The following ODAD4 variants were observed in gnomAD, a reference collection of about 807,000 sequenced individuals.
ODAD4 encodes outer dynein arm-docking complex subunit 4.
In ODAD4, 49 loss-of-function variants were observed where a neutral mutation model predicts 51.8. The observed-to-expected ratio is 0.95, with a 90% confidence interval of 0.75 to 1.20. ODAD4 has a LOEUF of 1.20. ODAD4 is among the 50% of genes most tolerant of loss of function. ODAD4 has a pLI of 0.00. For synonymous variants in ODAD4, 235 were observed against 221.3 expected, an observed-to-expected ratio of 1.06 and a Z score of -0.55; for missense variants, 590 against 586.5, an observed-to-expected ratio of 1.01 and a Z score of -0.06.
In ODAD4 at chr17:41,935,677, A is replaced by G. The variant is rs543820259; in HGVS notation, c.325A>G (p.Lys109Glu). The G allele has an allele frequency of 1.9e-6, 3 of 1,613,868 alleles. No individual in the cohort carries two copies. The highest frequency in any genetic ancestry group is 2.7e-5 in the African/African-American group (2 of 75,066). The change falls in exon 3 of 12, where the codon AAG (lysine) becomes GAG (glutamate). Residue 109 changes from lysine to glutamate, a missense_variant. Lys to Glu is a moderately conservative substitution (Grantham distance 56, BLOSUM62 1). Around this residue, in one of 3 missense-constraint regions of ODAD4, gnomAD observed 360 missense variants for 407.5 expected, o/e 0.88. Coordinates refer to ENST00000377540, the MANE Select transcript of ODAD4 (RefSeq NM_031421.5). The part of the protein sequence containing the change: ...FALVFYHRGY[K>E]LRPDREFRVG... ...CTTGGTATTCTATCATCGAGGCTAC[A>G]AGCTGAGGCCTGATCGGGAATTCAG...
chr17:41,940,360 T>C (rs782252400), intron 7 of ODAD4, among the ~76,000 whole-genome samples: 6 of 152,196 alleles, frequency 3.9e-5, no homozygotes, highest in South Asian at 2.1e-4. Flanking sequence ...GCCCCTTTGC[T>C]TGGCCCTCAG....
At chr17:41,944,447 C>G (rs111648524) in intron 7 of ODAD4, among the ~76,000 whole-genome samples, 1 of 7,770 alleles carries the variant, frequency 1.3e-4, no homozygotes, top group Non-Finnish European at 4.1e-4. Flanking sequence ...CACACACACC[C>G]CCCCGCATAC....
intron 1 of ODAD4, among the ~76,000 whole-genome samples, chr17:41,931,710 T>A (rs2050342089): frequency 1.3e-5 from 2 of 151,718 alleles, no homozygotes; most frequent in South Asian, 4.2e-4. Context: ...CCTGGCTAAT[T>A]TTTGTATTCT....
chr17:41,960,922 C>G (rs782609419), intron 10 of ODAD4, among the ~76,000 whole-genome samples: 2 of 152,186 alleles, frequency 1.3e-5, no homozygotes, highest in African/African-American at 4.8e-5. Context: ...ATCATGCACT[C>G]GAGTTGGGGA....
At chr17:41,962,238 C>T (rs976128330) in intron 11 of ODAD4, among the ~76,000 whole-genome samples, 4 of 152,082 alleles carry the variant, frequency 2.6e-5, no homozygotes, top group African/African-American at 9.7e-5. Flanking sequence ...AGGGGTGACT[C>T]GGGGCCCCAC....
chr17:41,949,992 C>A (rs1282501635), intron 9 of ODAD4, among the ~76,000 whole-genome samples: 2 of 151,174 alleles, frequency 1.3e-5, no homozygotes, highest in South Asian at 4.2e-4. Context: ...TTTTTTGAGA[C>A]GAAGTCTCAC....
intron 7 of ODAD4, among the ~76,000 whole-genome samples, chr17:41,940,595 T>C (rs1243659949): frequency 5.9e-5 from 9 of 152,168 alleles, no homozygotes; most frequent in Non-Finnish European, 1.2e-4. Flanking sequence ...CTGTCTTCGA[T>C]CCCTGTCTTC....
chr17:41,932,718 CTT>C (rs2050366303), intron 1 of ODAD4, among the ~76,000 whole-genome samples: 1 of 121,968 alleles, frequency 8.2e-6, no homozygotes, highest in Non-Finnish European at 1.7e-5. Context: ...CTAATTTTTT[CTT>C]TTCTTCTTTT....
At chr17:41,955,716 G>A (rs990503016) in intron 10 of ODAD4, among the ~76,000 whole-genome samples, 10 of 152,086 alleles carry the variant, frequency 6.6e-5, no homozygotes, top group African/African-American at 2.2e-4. Context: ...GAGCCACTGT[G>A]CCCAGCCAGA....
chr17:41,965,868 C>CG lies in ODAD4; in HGVS notation c.*389dup, dbSNP rs1555642658. On this transcript the variant is annotated 3_prime_UTR_variant, in exon 12 of 12. Transcript: ENST00000377540. ...TGAGTCCCTCCAGTGCGCAGGACAG[C>CG]GGGGAGGCTTTATGGATGGAACAGT... Among the ~76,000 whole-genome samples, 4 of 152,218 alleles carry CG rather than the reference C, an allele frequency of 2.6e-5. No homozygotes were observed. The East Asian group carries it at 7.7e-4, about 29-fold the overall frequency.
intron 5 of ODAD4, 128 bp from the exon 6 acceptor site, chr17:41,938,429 C>T: frequency 5.4e-6 from 4 of 742,060 alleles, no homozygotes; most frequent in Non-Finnish European, 8.9e-6. Flanking sequence ...TCACACTCCT[C>T]TCTGTTTCAA....
intron 8 of ODAD4, 121 bp downstream of exon 8, chr17:41,945,343 C>CAAAAA: frequency 1.6e-5 from 7 of 438,964 alleles, no homozygotes; most frequent in Admixed American, 4.6e-5. Flanking sequence ...TCCCTCTCTA[C>CAAAAA]AAAAAAAAAA....
In ODAD4 at chr17:41,930,822, G is replaced by C. The variant is rs782698479; in HGVS notation, c.99G>C (p.Ala33=). The C allele has an allele frequency of 6.3e-7, 1 of 1,577,768 alleles. No individual in the cohort carries two copies. The highest frequency in any genetic ancestry group is 1.4e-5 in the African/African-American group (1 of 72,944). ...TGTGCGGGGAATTTTCTAAAGCCGCGCAGAGCTTCAGCAACGTGAGTCGAG... is the reference window on the plus strand; with the variant it reads ...TGTGCGGGGAATTTTCTAAAGCCGCCCAGAGCTTCAGCAACGTGAGTCGAG... ...LYLCGEFSKA[A]QSFSNALYLQ... is the part of the protein sequence containing the mutation. The change falls in exon 1 of 12, where the codon GCG becomes GCC. Residue 33 remains alanine (A), a synonymous_variant. Transcript: ENST00000377540.
At chr17:41,958,362 A>G (rs1310574138) in intron 10 of ODAD4, among the ~76,000 whole-genome samples, 1 of 152,142 alleles carries the variant, frequency 6.6e-6, no homozygotes, top group Admixed American at 6.6e-5. Flanking sequence ...ACGTGAGGCT[A>G]AAGTTAATTA....
chr17:41,945,336 CTCTCT>C, intron 8 of ODAD4, 114 bp downstream of exon 8: 1 of 658,380 alleles, frequency 1.5e-6, no homozygotes, highest in Non-Finnish European at 2.5e-6. Flanking sequence ...GGAAGACTCC[CTCTCT>C]ACAAAAAAAA....
At chr17:41,937,394 T>G (rs2050443938) in intron 5 of ODAD4, among the ~76,000 whole-genome samples, 1 of 152,190 alleles carries the variant, frequency 6.6e-6, no homozygotes, top group Non-Finnish European at 1.5e-5. Flanking sequence ...AGACCCTGAT[T>G]GGGAAGGAAC....
chr17:41,949,746 C>T (rs2050629941), intron 9 of ODAD4, among the ~76,000 whole-genome samples: 1 of 152,162 alleles, frequency 6.6e-6, no homozygotes, highest in Non-Finnish European at 1.5e-5. Context: ...GATCTCGGCT[C>T]ATTGCAACCT....
Position 41,965,084 on chromosome 17 carries a change from C to T in ODAD4, c.1620C>T (p.Asp540=). ...CCGAGAAGGTGGTGAAGCAGTGGGA[C>T]CATAGTGAGGATGAGAAAGAGACAG... ...DEPEKVVKQW[D]HSEDEKETDE... Residue 540 remains aspartate (D), a synonymous_variant, in exon 12 of 12, where the codon GAC becomes GAT. Coordinates refer to ENST00000377540, the MANE Select transcript of ODAD4 (RefSeq NM_031421.5). 1.3e-6 allele frequency: 1 copy of T among 766,764 alleles called. No homozygotes were observed. The highest frequency in any genetic ancestry group is 2.4e-6 in the Non-Finnish European group (1 of 411,452). The allele number at this position is 766,764 out of a possible 1,614,324, so 47.5% of individuals were successfully genotyped here. A position where few individuals can be genotyped will look rare whatever the true frequency, so the allele number is the denominator to read the frequency against.
At position 41,935,363 on chromosome 17, in the gene ODAD4, G is replaced by A. The variant is rs78504838; in HGVS notation, c.246+15G>A. 2.8e-3 allele frequency: 4,522 copies of A among 1,612,480 alleles called. 124 individuals are homozygous for A. In the African/African-American group the frequency reaches 0.053, roughly 19 times the overall value. ...CTTTCTGTAAGGTGACTGCATGGGC[G>A]GGAGGACTGGATCCTGCCATTGCCT... is the stretch of plus-strand genomic sequence containing the variant. On this transcript the variant is annotated intron_variant, in intron 2 of 11. Transcript: ENST00000377540.
Sources: allele counts gnomAD v4.1 joint callset (sites outside exome capture counted in the v4.1 genomes callset), GRCh38; gene constraint gnomAD v4.1.1; regional missense constraint gnomAD v4.1.1; transcripts MANE v1.5; gene names NCBI Gene and HGNC (gene_info 2026-07-23, HGNC 2026-07-21).